ABLIM2: variants seen among roughly 807,000 people sequenced by gnomAD.
ABLIM2 encodes the protein actin-binding LIM protein 2.
ABLIM2 carries 53 observed loss-of-function variants against 97.7 expected under a neutral mutation model. The observed-to-expected ratio is 0.54, with a 90% CI of 0.44 to 0.68. ABLIM2 has a LOEUF of 0.68. ABLIM2 is among the 30% of genes least tolerant of loss of function. The pLI is 0.00. For synonymous variants in ABLIM2, 361 were observed against 345.8 expected (o/e 1.04, Z -0.49); for missense variants, 835 against 867.2 (o/e 0.96, Z 0.47).
Position 8,158,731 on chromosome 4 carries a change from A to T in ABLIM2, c.-42T>A. Reference sequence around the variant, plus strand: ...AGTCGGGGCGGCCCGGCGCTGCGACAGCCAGACCCTCGGGCCCGCAGGTGC... The same window carrying T: ...AGTCGGGGCGGCCCGGCGCTGCGACTGCCAGACCCTCGGGCCCGCAGGTGC... On this transcript the variant is annotated 5_prime_UTR_variant, in exon 1 of 21. Coordinates refer to ENST00000447017, the MANE Select transcript of ABLIM2 (RefSeq NM_001130083.2). 1 of 1,409,814 alleles carries T rather than the reference A, an allele frequency of 7.1e-7. No homozygotes were observed. Among genetic ancestry groups the T allele is most frequent in the Non-Finnish European group, 9.3e-7 (1 of 1,080,980 alleles). The allele number at this position is 1,409,814 out of a possible 1,614,324, so 87.3% of individuals were successfully genotyped here.
rs769144485 is a variant in ABLIM2, at chr4:8,069,158, C to T, written c.676-8104G>A. On this transcript the variant is annotated intron_variant, in intron 6 of 20. Coordinates refer to ENST00000447017, the MANE Select transcript of ABLIM2 (RefSeq NM_001130083.2). The surrounding 1 kb of genome is among the most constrained non-coding windows in gnomAD (Gnocchi z 4.2). ...CCTCTCTACCCAGCTCCCGTTAAGG[C>T]GTGAGCCTCAGGAGCGCTTGGCCCA... 6.6e-6 allele frequency among the ~76,000 whole-genome samples: 1 copy of T among 152,276 alleles called. No homozygotes were observed. Among genetic ancestry groups the T allele is most frequent in the South Asian group, 2.1e-4 (1 of 4,834 alleles).
rs1759417802 is a variant in ABLIM2 at position 8,004,152 on chromosome 4, C to A, written c.1618+3907G>T. ...AAAAGCTGCAGCAGGGTCGCTGTCT[C>A]CTAACCCTCCCTCCCAACGGGCTCC... is the stretch of plus-strand genomic sequence containing the variant. On this transcript the variant is annotated intron_variant, in intron 16 of 20. Coordinates refer to ENST00000447017, the MANE Select transcript of ABLIM2 (RefSeq NM_001130083.2). The surrounding 1 kb of genome is among the most constrained non-coding windows in gnomAD (Gnocchi z 5.9). Among the ~76,000 whole-genome samples the A allele has an allele frequency of 6.6e-6, 1 of 151,880 alleles. No homozygotes were observed. The highest frequency in any genetic ancestry group is 6.6e-5 in the Admixed American group (1 of 15,250).
Position 7,998,663 on chromosome 4 carries a change from T to C in ABLIM2, c.1619-5736A>G, listed in dbSNP as rs750263298. 3.9e-6 allele frequency: 2 copies of C among 512,332 alleles called. No homozygotes were observed. The highest frequency in any genetic ancestry group is 2.0e-5 in the Admixed American group (1 of 50,874). The allele number at this position is 512,332 out of a possible 1,614,324, so 31.7% of individuals were successfully genotyped here. On this transcript the variant is annotated intron_variant, in intron 16 of 20. Transcript: ENST00000447017. The surrounding 1 kb of genome is among the most constrained non-coding windows in gnomAD (Gnocchi z 6.4). ...AGGAAAACACCTGCCTCGTCACCTT[T>C]TGCCACCACATGGGAGGCTGGGAGT...
In ABLIM2 at chr4:7,996,640, C is replaced by T. The variant is rs556739104; in HGVS notation, c.1619-3713G>A. Reference sequence around the variant, plus strand: ...GAAGAGGGCTATTATGTTTTGTCCCCGGTTTTACCTATTCCGACGTTCTTC... The same window carrying T: ...GAAGAGGGCTATTATGTTTTGTCCCTGGTTTTACCTATTCCGACGTTCTTC... On this transcript the variant is annotated intron_variant, in intron 16 of 20. Transcript: ENST00000447017. The surrounding 1 kb of genome is among the most constrained non-coding windows in gnomAD (Gnocchi z 4.5). Among the ~76,000 whole-genome samples, 17 of 152,304 alleles carry T rather than the reference C, an allele frequency of 1.1e-4. No homozygotes were observed. The South Asian group carries it at 2.3e-3, about 20-fold the overall frequency.
rs1760682071 is a variant in ABLIM2, at chr4:8,005,523, G to A, written c.1618+2536C>T. 1 of 507,606 alleles carries A rather than the reference G, an allele frequency of 2.0e-6. No homozygotes were observed. Among genetic ancestry groups the A allele is most frequent in the Non-Finnish European group, 4.0e-6 (1 of 248,056 alleles). The allele number at this position is 507,606 out of a possible 1,614,324, so 31.4% of individuals were successfully genotyped here. On this transcript the variant is annotated intron_variant, in intron 16 of 20. Transcript: ENST00000447017. This position sits in a 1 kb window ranked among gnomAD's most constrained non-coding sequence, Gnocchi z 4.9. ...TGGTGCCCACGGACTCAGGTCTGGGGGCTACTTGGTGACAATCAAAAGAAC... is the reference window on the plus strand; with the variant it reads ...TGGTGCCCACGGACTCAGGTCTGGGAGCTACTTGGTGACAATCAAAAGAAC...
chr4:8,098,863 C>T (rs1192357890), intron 2 of ABLIM2, among the ~76,000 whole-genome samples: 1 of 152,216 alleles, frequency 6.6e-6, no homozygotes, highest in Admixed American at 6.5e-5. Context: ...CTAATGGCTG[C>T]TCCTAAGAGG....
intron 9 of ABLIM2, among the ~76,000 whole-genome samples, chr4:8,041,849 AGCTGAGATT>A (rs568771320): frequency 1.4e-3 from 214 of 152,140 alleles, no homozygotes; most frequent in African/African-American, 4.8e-3. Context: ...GCTTGCAGTG[AGCTGAGATT>A]GCACCACTGC....
At chr4:8,091,118 C>T (rs1282447536) in intron 3 of ABLIM2, among the ~76,000 whole-genome samples, 3 of 150,126 alleles carry the variant, frequency 2.0e-5, no homozygotes, top group African/African-American at 7.4e-5. Context: ...CCTCTGGCTT[C>T]ACATCCTCAC....
In ABLIM2 at chr4:7,984,825, C is replaced by T; in HGVS notation, c.1735+14G>A. On this transcript the variant is annotated intron_variant, in intron 18 of 20. Coordinates refer to ENST00000447017, the MANE Select transcript of ABLIM2 (RefSeq NM_001130083.2). Reference sequence around the variant, plus strand: ...GCCCCAGCCAGAGACCCACAGGGTCCCCGCTCTGTGTACCTCGCATGCCCC... The same window carrying T: ...GCCCCAGCCAGAGACCCACAGGGTCTCCGCTCTGTGTACCTCGCATGCCCC... The T allele has an allele frequency of 3.8e-6, 6 of 1,588,754 alleles. No individual in the cohort carries two copies. Among genetic ancestry groups the T allele is most frequent in the Non-Finnish European group, 5.1e-6 (6 of 1,167,924 alleles).
At chr4:8,013,723 C>T (rs928144105) in intron 14 of ABLIM2, among the ~76,000 whole-genome samples, 27 of 152,220 alleles carry the variant, frequency 1.8e-4, no homozygotes, top group African/African-American at 4.3e-4. Flanking sequence ...AGGGCTGCAT[C>T]GCCACTGACT....
At chr4:8,010,593 C>A in intron 14 of ABLIM2, 1 of 984,236 alleles carries the variant, frequency 1.0e-6, no homozygotes, top group Non-Finnish European at 1.2e-6. Context: ...CAGTTCCGTT[C>A]CGAATACACT....
At chr4:8,031,662 G>A (rs1234560160) in intron 10 of ABLIM2, among the ~76,000 whole-genome samples, 5 of 152,244 alleles carry the variant, frequency 3.3e-5, no homozygotes, top group South Asian at 4.2e-4. Flanking sequence ...GTTTCTCTGC[G>A]GTAACCTGGG....
chr4:8,057,105 T>C (rs1799780609), intron 7 of ABLIM2, among the ~76,000 whole-genome samples: 1 of 149,348 alleles, frequency 6.7e-6, no homozygotes, highest in Non-Finnish European at 1.5e-5. Flanking sequence ...TTTCTTTTTT[T>C]TTTTTTTTTT....
intron 7 of ABLIM2, among the ~76,000 whole-genome samples, chr4:8,057,320 G>C (rs189385453): frequency 2.0e-5 from 3 of 151,982 alleles, no homozygotes; most frequent in African/African-American, 7.3e-5. Flanking sequence ...TTCCGACTTC[G>C]GGTGATCCAT....
At position 8,091,351 on chromosome 4, in the gene ABLIM2, A is replaced by ATATATATTATATATATATAATATATAT. The variant is rs1561326003; in HGVS notation, c.339-3068_339-3067insATATATATTATATATATATAATATATA. Among the ~76,000 whole-genome samples, 16 of 19,416 alleles carry ATATATATTATATATATATAATATATAT rather than the reference A, an allele frequency of 8.2e-4. 1 individual carries two copies. The highest frequency in any genetic ancestry group is 1.5e-3 in the Non-Finnish European group (14 of 9,274). The allele number at this position is 19,416 out of a possible 152,430, so 12.7% of individuals were successfully genotyped here. On this transcript the variant is annotated intron_variant, in intron 3 of 20. Coordinates refer to ENST00000447017, the MANE Select transcript of ABLIM2 (RefSeq NM_001130083.2). ...TATATTATATATATAATATATATAT[A>ATATATATTATATATATATAATATATAT]ATTATATATATATTATATTACATAT...
At chr4:7,973,808 C>T (rs185214486) in intron 20 of ABLIM2, among the ~76,000 whole-genome samples, 92 of 152,344 alleles carry the variant, frequency 6.0e-4, no homozygotes, top group Middle Eastern at 6.8e-3. Flanking sequence ...ACCTTGCGTT[C>T]TGAGATGGCT....
chr4:7,966,741 C>T lies in ABLIM2; in HGVS notation c.*249G>A, dbSNP rs1401553265. 1 of 514,180 alleles carries T rather than the reference C, an allele frequency of 1.9e-6. No homozygotes were observed. The allele number at this position is 514,180 out of a possible 1,614,324, so 31.9% of individuals were successfully genotyped here. On this transcript the variant is annotated 3_prime_UTR_variant, in exon 21 of 21. Transcript: ENST00000447017. ...CCATCTGATGCCCGACACAGCCACT[C>T]TACAGCCTCTCCCTGACACCAAGCC... is the stretch of plus-strand genomic sequence containing the variant.
At chr4:8,077,485 T>C in intron 6 of ABLIM2, 143 bp downstream of exon 6, 1 of 802,990 alleles carries the variant, frequency 1.2e-6, no homozygotes, top group South Asian at 1.8e-5. Context: ...AGGGTGTCCA[T>C]TGGCTGAGCT....
intron 8 of ABLIM2, among the ~76,000 whole-genome samples, chr4:8,045,572 C>A (rs572616610): frequency 6.6e-6 from 1 of 152,174 alleles, no homozygotes; most frequent in Non-Finnish European, 1.5e-5. Flanking sequence ...TCGCTTAAAC[C>A]TGGGAGGCGG....
Sources: gnomAD v4.1 joint callset for allele counts (sites outside exome capture counted in the v4.1 genomes callset) on GRCh38, gnomAD v4.1.1 for gene constraint, Gnocchi (gnomAD v3.1) non-coding constraint, MANE v1.5 for transcripts, NCBI Gene and HGNC (gene_info 2026-07-23, HGNC 2026-07-21) for gene names.